The following EAPP variants were observed in gnomAD, a reference collection of about 807,000 sequenced individuals.
EAPP encodes E2F-associated phosphoprotein.
In EAPP, 38 loss-of-function variants were observed where a neutral mutation model predicts 34.3. That is an observed-to-expected ratio of 1.11 (90% CI 0.85 to 1.45). The LOEUF (loss-of-function observed/expected upper bound fraction) is 1.45, where lower values mean the gene tolerates loss of function less well. EAPP is among the 40% of genes most tolerant of loss of function. EAPP has a pLI of 0.00. For synonymous variants in EAPP, 113 were observed against 117.6 expected (o/e 0.96, Z 0.25); for missense variants, 338 against 343.7 (o/e 0.98, Z 0.13).
chr14:34,539,347 C>A, intron 1 of EAPP: 1 of 700,766 alleles, frequency 1.4e-6, no homozygotes, highest in Non-Finnish European at 2.6e-6. Context: ...TCCGGAATAT[C>A]CCTCTTCCTA....
chr14:34,516,537 A>C lies in EAPP; in HGVS notation c.631T>G (p.Ser211Ala). The C allele has an allele frequency of 1.2e-6, 2 of 1,614,054 alleles. No homozygotes were observed. Among genetic ancestry groups the C allele is most frequent in the Non-Finnish European group, 1.7e-6 (2 of 1,179,972 alleles). The change falls in exon 6 of 6, where the codon TCT (serine) becomes GCT (alanine). Residue 211 changes from serine to alanine, a missense_variant. By Grantham distance (99) the Ser-to-Ala change is moderately conservative. Coordinates refer to ENST00000250454, the MANE Select transcript of EAPP (RefSeq NM_018453.4). Reference protein sequence around the residue: ...QYRAMFVMNCSINKEEVLRYK... With the variant: ...QYRAMFVMNCAINKEEVLRYK... ...CTTAGAACCTCCTCTTTGTTAATAG[A>C]ACAATTCATTACAAACATTGCTCTA...
intron 5 of EAPP, among the ~76,000 whole-genome samples, chr14:34,522,482 G>A (rs1879950254): frequency 1.3e-5 from 2 of 152,100 alleles, no homozygotes; most frequent in South Asian, 2.1e-4. Flanking sequence ...ACTGTGTCTT[G>A]TGGATGTAAA....
intron 5 of EAPP, among the ~76,000 whole-genome samples, chr14:34,517,407 C>A (rs1009905112): frequency 3.3e-5 from 5 of 151,756 alleles, no homozygotes; most frequent in Non-Finnish European, 7.4e-5. Flanking sequence ...CACCACCACA[C>A]CTGGCTAATT....
At chr14:34,526,502 T>A (rs1251367737) in intron 4 of EAPP, among the ~76,000 whole-genome samples, 1 of 150,466 alleles carries the variant, frequency 6.6e-6, no homozygotes, top group Non-Finnish European at 1.5e-5. Flanking sequence ...GGTGGGCAGA[T>A]CACTTGAGCC....
rs374285632 is a variant in EAPP at position 34,521,505 on chromosome 14, CTGAT to C, written c.581+3188_581+3191del. Among the ~76,000 whole-genome samples, 1,015 of 152,042 alleles carry C rather than the reference CTGAT, an allele frequency of 6.7e-3. 12 individuals are homozygous for C. Among genetic ancestry groups the C allele is most frequent in the African/African-American group, 0.023 (966 of 41,466 alleles). The stretch of plus-strand genomic sequence containing the variant: ...GACCTTCATACCTTTTCTTTCTCCT[CTGAT>C]TGTGCATTTTCAAACAGTCTATCTT... On this transcript the variant is annotated intron_variant, in intron 5 of 5. Coordinates refer to ENST00000250454, the MANE Select transcript of EAPP (RefSeq NM_018453.4).
At chr14:34,529,295 T>C (rs1416383908) in intron 4 of EAPP, 63 bp downstream of exon 4, 3 of 1,201,944 alleles carry the variant, frequency 2.5e-6, no homozygotes, top group Non-Finnish European at 3.6e-6. Context: ...AATGTGAATG[T>C]AGTAAAAATC....
At chr14:34,518,608 G>A (rs1428719951) in intron 5 of EAPP, among the ~76,000 whole-genome samples, 1 of 152,132 alleles carries the variant, frequency 6.6e-6, no homozygotes, top group Non-Finnish European at 1.5e-5. Context: ...TGGGATTACA[G>A]GCGTGAGCCA....
At chr14:34,533,943 G>A (rs2138222808) in intron 2 of EAPP, among the ~76,000 whole-genome samples, 1 of 152,206 alleles carries the variant, frequency 6.6e-6, no homozygotes, top group East Asian at 1.9e-4. Context: ...AATGAGTCAA[G>A]GACACATTCT....
At chr14:34,526,758 TG>T (rs1880109871) in intron 4 of EAPP, among the ~76,000 whole-genome samples, 1 of 150,934 alleles carries the variant, frequency 6.6e-6, no homozygotes, top group Admixed American at 6.6e-5. Flanking sequence ...AAAACAAGCA[TG>T]GACTCAGGAG....
At chr14:34,525,651 C>G (rs549419432) in intron 4 of EAPP, among the ~76,000 whole-genome samples, 1 of 152,018 alleles carries the variant, frequency 6.6e-6, no homozygotes, top group East Asian at 1.9e-4. Context: ...CTATCCTACA[C>G]GGGGTCCTCA....
intron 5 of EAPP, among the ~76,000 whole-genome samples, chr14:34,519,457 C>T (rs940140136): frequency 6.6e-6 from 1 of 151,850 alleles, no homozygotes; most frequent in Non-Finnish European, 1.5e-5. Context: ...ATTGCGTGAA[C>T]CTGGGTGGTG....
intron 5 of EAPP, among the ~76,000 whole-genome samples, chr14:34,520,583 C>A (rs1015225807): frequency 2.0e-5 from 3 of 152,128 alleles, no homozygotes; most frequent in African/African-American, 7.2e-5. Flanking sequence ...CTCACTGCAA[C>A]CTGTGCCTCC....
chr14:34,536,905 A>C (rs1022457086), intron 1 of EAPP, among the ~76,000 whole-genome samples: 3 of 151,868 alleles, frequency 2.0e-5, no homozygotes, highest in African/African-American at 7.2e-5. Context: ...ATAGATAGAT[A>C]GATATCCTGG....
Sources: gnomAD v4.1 joint callset for allele counts (sites outside exome capture counted in the v4.1 genomes callset) on GRCh38, gnomAD v4.1.1 for gene constraint, MANE v1.5 for transcripts, NCBI Gene and HGNC (gene_info 2026-07-23, HGNC 2026-07-21) for gene names.